Variants in GNG7 observed in about 807,000 individuals in gnomAD.
GNG7 encodes guanine nucleotide-binding protein G(I)/G(S)/G(O) subunit gamma-7.
GNG7 carries 1 observed loss-of-function variant against 4.0 expected under a neutral mutation model. The ratio of observed to expected loss-of-function variants is 0.25; its 90% confidence interval spans 0.09 to 1.18. The LOEUF (loss-of-function observed/expected upper bound fraction) is 1.18. Among genes scored for constraint, GNG7 ranks in the 50% most tolerant of loss-of-function variants. The pLI, the probability that GNG7 is intolerant of heterozygous loss-of-function variation, is 0.50. For synonymous variants in GNG7, 34 were observed against 36.9 expected (o/e 0.92, Z 0.29); for missense variants, 86 against 91.9 (o/e 0.94, Z 0.26).
chr19:2,643,261 C>T (rs958936937), intron 2 of GNG7: 1 of 432,054 alleles, frequency 2.3e-6, no homozygotes, highest in African/African-American at 2.0e-5. Context: ...CCGGGCTCTG[C>T]ACACCTTCCC....
chr19:2,663,899 G>A (rs545769480), intron 1 of GNG7, among the ~76,000 whole-genome samples: 23 of 152,314 alleles, frequency 1.5e-4, no homozygotes, highest in African/African-American at 5.5e-4. Flanking sequence ...GCACTGCACA[G>A]TGCTGAGTAG....
At chr19:2,551,154 G>A (rs2144757262) in intron 3 of GNG7, among the ~76,000 whole-genome samples, 1 of 152,342 alleles carries the variant, frequency 6.6e-6, no homozygotes, top group South Asian at 2.1e-4. Flanking sequence ...GCCAGCACTT[G>A]TGTGTCCCAG....
intron 2 of GNG7, among the ~76,000 whole-genome samples, chr19:2,624,177 C>T (rs1230002014): frequency 6.6e-6 from 1 of 152,000 alleles, no homozygotes; most frequent in East Asian, 1.9e-4. Context: ...CTGAACTGAG[C>T]CCTTAGAAAT....
In GNG7 at chr19:2,557,035, A is replaced by G. The variant is rs1202164687; in HGVS notation, c.-77-1847T>C. ...TCTACACACACACACGCACACACAG[A>G]CACACGCACACTCACACACATATGC... On this transcript the variant is annotated intron_variant, in intron 2 of 4. Coordinates refer to ENST00000382159, the MANE Select transcript of GNG7 (RefSeq NM_052847.3). This position sits in a 1 kb window ranked among gnomAD's most constrained non-coding sequence, Gnocchi z 5.1. Among the ~76,000 whole-genome samples, 2 of 148,970 alleles carry G rather than the reference A, an allele frequency of 1.3e-5. No individual in the cohort carries two copies. Among genetic ancestry groups the G allele is most frequent in the East Asian group, 3.9e-4 (2 of 5,120 alleles).
rs186137990 is a variant in GNG7 at position 2,673,773 on chromosome 19, G to C, written c.-134-27493C>G. Reference sequence around the variant, plus strand: ...TGGAGTTGAGTTCGTGATAATGTATGGATACTGGTCTTTTTAGAAAATTTC... The same window carrying C: ...TGGAGTTGAGTTCGTGATAATGTATCGATACTGGTCTTTTTAGAAAATTTC... On this transcript the variant is annotated intron_variant, in intron 1 of 4. Transcript: ENST00000382159. 4.6e-5 allele frequency among the ~76,000 whole-genome samples: 7 copies of C among 151,974 alleles called. 2 individuals are homozygous for C. The East Asian group carries it at 1.4e-3, about 29-fold the overall frequency.
Position 2,542,555 on chromosome 19 carries a change from G to A in GNG7, c.-38+12594C>T, listed in dbSNP as rs970963459. 2.0e-4 allele frequency among the ~76,000 whole-genome samples: 31 copies of A among 152,340 alleles called. No individual in the cohort carries two copies. In the South Asian group the frequency reaches 2.1e-3, roughly 10 times the overall value. On this transcript the variant is annotated intron_variant, in intron 3 of 4. Transcript: ENST00000382159. The stretch of plus-strand genomic sequence containing the variant: ...TGGGGACGACAACTGGAAGCTTCGC[G>A]TCAGACAGCAGGCGGCTCACGTTTC...
At chr19:2,575,522 CGCAGGCACACGCAGACAG>C (rs1167921747) in intron 2 of GNG7, among the ~76,000 whole-genome samples, 7 of 149,372 alleles carry the variant, frequency 4.7e-5, no homozygotes, top group Admixed American at 1.3e-4. Context: ...TGCAGACACA[CGCAGGCACACGCAGACAG>C]GCAGGCACAC....
intron 2 of GNG7, among the ~76,000 whole-genome samples, chr19:2,569,790 A>G (rs1039840474): frequency 1.3e-5 from 2 of 152,052 alleles, no homozygotes; most frequent in Admixed American, 1.3e-4. Context: ...GTCCCCAGAC[A>G]TCACCCGTCC....
intron 1 of GNG7, among the ~76,000 whole-genome samples, chr19:2,683,874 C>T (rs1983805189): frequency 6.6e-6 from 1 of 152,166 alleles, no homozygotes; most frequent in Admixed American, 6.6e-5. Flanking sequence ...AAAGGAGCTC[C>T]TGCAGGGGCT....
intron 3 of GNG7, among the ~76,000 whole-genome samples, chr19:2,536,332 T>G (rs952758180): frequency 4.0e-5 from 6 of 151,482 alleles, no homozygotes; most frequent in African/African-American, 1.5e-4. Context: ...GCAGGAGAAT[T>G]GCTTGAACCT....
rs1423337577 is a variant in GNG7, at chr19:2,512,142, G to A, written c.*2880C>T. ...CTTTTCCCCTGGCGTAGCTGAGAGA[G>A]GCTTGTCCCCCCAAGGCTAGAGCTG... On this transcript the variant is annotated 3_prime_UTR_variant, in exon 5 of 5. Transcript: ENST00000382159. The surrounding 1 kb of genome is among the most constrained non-coding windows in gnomAD (Gnocchi z 4.7). 2.0e-6 allele frequency: 2 copies of A among 985,712 alleles called. No homozygotes were observed. The highest frequency in any genetic ancestry group is 1.7e-5 in the African/African-American group (1 of 57,172). The allele number at this position is 985,712 out of a possible 1,614,324, so 61.1% of individuals were successfully genotyped here.
At chr19:2,607,841 C>T (rs1350959209) in intron 2 of GNG7, among the ~76,000 whole-genome samples, 1 of 152,048 alleles carries the variant, frequency 6.6e-6, no homozygotes, top group Admixed American at 6.6e-5. Context: ...GACCGGCGCT[C>T]ACCAACGACA....
intron 1 of GNG7, chr19:2,683,546 G>A (rs1983795370): frequency 6.6e-6 from 1 of 152,306 alleles, no homozygotes; most frequent in Non-Finnish European, 1.5e-5. Context: ...TCAGGCCAAA[G>A]AAGAAGATGC....
At chr19:2,635,205 GCAGGTGGGTGCAGGTGGGCA>G (rs1336674730) in intron 2 of GNG7, among the ~76,000 whole-genome samples, 1 of 148,050 alleles carries the variant, frequency 6.8e-6, no homozygotes, top group African/African-American at 2.7e-5. Flanking sequence ...GGACAGAGGT[GCAGGTGGGTGCAGGTGGGCA>G]CAGGTGGGTG....
chr19:2,550,296 C>T (rs955312943), intron 3 of GNG7, among the ~76,000 whole-genome samples: 2 of 152,220 alleles, frequency 1.3e-5, no homozygotes, highest in Non-Finnish European at 2.9e-5. Context: ...CGGCTCACTG[C>T]AACCTCCGCC....
intron 2 of GNG7, among the ~76,000 whole-genome samples, chr19:2,595,504 C>T (rs972352932): frequency 2.9e-4 from 44 of 152,042 alleles, no homozygotes; most frequent in African/African-American, 8.4e-4. Context: ...GAGGCCGAGG[C>T]GGGTGGATTG....
At chr19:2,547,969 C>T (rs1190518034) in intron 3 of GNG7, among the ~76,000 whole-genome samples, 3 of 152,204 alleles carry the variant, frequency 2.0e-5, no homozygotes, top group Non-Finnish European at 4.4e-5. Flanking sequence ...CAAGGATGGA[C>T]CTCGAGCCTG....
chr19:2,584,931 G>T (rs1400860710), intron 2 of GNG7, among the ~76,000 whole-genome samples: 5 of 52,280 alleles, frequency 9.6e-5, no homozygotes, highest in Non-Finnish European at 6.7e-5. Context: ...AAGGAAGGAA[G>T]GAGGGAGGGA....
At chr19:2,649,232 C>A (rs1409268503) in intron 1 of GNG7, among the ~76,000 whole-genome samples, 2 of 151,928 alleles carry the variant, frequency 1.3e-5, no homozygotes, top group Non-Finnish European at 2.9e-5. Context: ...AGCCATTTCA[C>A]CTGGACAACC....
Sources: gnomAD v4.1 joint callset for allele counts (sites outside exome capture counted in the v4.1 genomes callset) on GRCh38, gnomAD v4.1.1 for gene constraint, Gnocchi (gnomAD v3.1) non-coding constraint, MANE v1.5 for transcripts, NCBI Gene and HGNC (gene_info 2026-07-23, HGNC 2026-07-21) for gene names.